Variants in CDC42BPA observed in about 807,000 individuals in gnomAD.
CDC42BPA encodes the protein CDC42 binding protein kinase alpha.
Under a neutral mutation model 223.5 loss-of-function variants are expected in CDC42BPA, and 80 were observed. The observed-to-expected ratio is 0.36, with a 90% CI of 0.30 to 0.43. CDC42BPA has a LOEUF of 0.43. CDC42BPA is among the 20% of genes least tolerant of loss of function. The pLI is 1.00. For synonymous variants in CDC42BPA, 694 were observed against 718.6 expected, an observed-to-expected ratio of 0.97 and a Z score of 0.55; for missense variants, 1,743 against 2,099.9, an observed-to-expected ratio of 0.83 and a Z score of 3.32.
At chr1:227,220,539 C>T (rs1195761320) in intron 2 of CDC42BPA, among the ~76,000 whole-genome samples, 1 of 151,896 alleles carries the variant, frequency 6.6e-6, no homozygotes, top group Non-Finnish European at 1.5e-5. Flanking sequence ...TCCAAAATGT[C>T]CTGTGCCACC....
intron 5 of CDC42BPA, among the ~76,000 whole-genome samples, chr1:227,170,004 G>T (rs1234039816): frequency 1.3e-5 from 2 of 152,020 alleles, no homozygotes; most frequent in Non-Finnish European, 2.9e-5. Context: ...TTTCAAACAT[G>T]GCCTCAATAA....
chr1:227,030,334 G>T, intron 29 of CDC42BPA, 74 bp downstream of exon 29: 1 of 882,416 alleles, frequency 1.1e-6, no homozygotes, highest in Non-Finnish European at 1.8e-6. Context: ...GCTCTTTGTA[G>T]AATTTAGAAT....
intron 11 of CDC42BPA, among the ~76,000 whole-genome samples, chr1:227,127,617 A>C (rs1656104703): frequency 6.6e-6 from 1 of 152,168 alleles, no homozygotes; most frequent in Non-Finnish European, 1.5e-5. Flanking sequence ...TGGCACTCTT[A>C]ATGTTATTGT....
intron 1 of CDC42BPA, among the ~76,000 whole-genome samples, chr1:227,300,601 T>TCTCTCCATACCG (rs1691454712): frequency 6.6e-6 from 1 of 152,124 alleles, no homozygotes; most frequent in African/African-American, 2.4e-5. Flanking sequence ...ATGTTCTCAC[T>TCTCTCCATACCG]TATAAGTGGG....
chr1:227,239,250 C>A (rs1354024204), intron 2 of CDC42BPA, among the ~76,000 whole-genome samples: 1 of 151,990 alleles, frequency 6.6e-6, no homozygotes, highest in Non-Finnish European at 1.5e-5. Context: ...CCAGTGGTGG[C>A]CAGGGGTCAG....
intron 26 of CDC42BPA, 144 bp from the exon 27 acceptor site, chr1:227,033,559 T>C: frequency 3.3e-6 from 2 of 605,720 alleles, no homozygotes; most frequent in South Asian, 4.3e-5. Flanking sequence ...TTTTCCCCCA[T>C]TGTAATTAAT....
At chr1:227,304,332 G>A (rs1692187321) in intron 1 of CDC42BPA, among the ~76,000 whole-genome samples, 1 of 151,978 alleles carries the variant, frequency 6.6e-6, no homozygotes, top group South Asian at 2.1e-4. Context: ...CTTAAACCCA[G>A]GAGGTAGAGG....
intron 29 of CDC42BPA, among the ~76,000 whole-genome samples, chr1:227,029,562 C>T (rs1668866020): frequency 6.6e-6 from 1 of 152,104 alleles, no homozygotes; most frequent in Non-Finnish European, 1.5e-5. Context: ...CATAGGATTC[C>T]CATTTTTAAA....
chr1:226,997,012 G>A (rs1661748681), intron 35 of CDC42BPA, among the ~76,000 whole-genome samples: 1 of 152,170 alleles, frequency 6.6e-6, no homozygotes, highest in Non-Finnish European at 1.5e-5. Flanking sequence ...CTATTGTTTG[G>A]AATAGTTTCA....
At chr1:227,069,746 C>T in intron 21 of CDC42BPA, 31 bp downstream of exon 21, 2 of 1,457,520 alleles carry the variant, frequency 1.4e-6, no homozygotes, top group Non-Finnish European at 1.9e-6. Context: ...TAAATTGACC[C>T]CAGAGGATAT....
chr1:227,162,964 ACGTG>A (rs1425232106), intron 5 of CDC42BPA, among the ~76,000 whole-genome samples: 5 of 139,134 alleles, frequency 3.6e-5, no homozygotes, highest in Admixed American at 7.2e-5. Context: ...ATGTTTCCAA[ACGTG>A]TGTATGTTTC....
At chr1:227,315,613 T>C (rs573900947) in intron 1 of CDC42BPA, among the ~76,000 whole-genome samples, 6 of 152,164 alleles carry the variant, frequency 3.9e-5, no homozygotes, top group Admixed American at 6.5e-5. Context: ...ATTTCTCAAT[T>C]TGTGAAACAT....
chr1:227,034,581 C>G, intron 26 of CDC42BPA, 74 bp downstream of exon 26: 1 of 1,387,618 alleles, frequency 7.2e-7, no homozygotes, highest in Non-Finnish European at 9.8e-7. Context: ...CATGGCAACA[C>G]AATTTTTGAA....
intron 1 of CDC42BPA, among the ~76,000 whole-genome samples, chr1:227,258,176 G>GAAAAAAAA: frequency 9.3e-6 from 1 of 108,108 alleles, no homozygotes; most frequent in Non-Finnish European, 1.8e-5. Flanking sequence ...CCCTGTCCGG[G>GAAAAAAAA]AAAAAAAAAA....
intron 5 of CDC42BPA, among the ~76,000 whole-genome samples, chr1:227,176,337 C>A (rs900613740): frequency 2.0e-5 from 3 of 152,136 alleles, no homozygotes; most frequent in African/African-American, 7.2e-5. Context: ...CTTTCTTCTA[C>A]ACCAAGAATT....
chr1:227,237,712 C>T (rs1679307936), intron 2 of CDC42BPA, among the ~76,000 whole-genome samples: 1 of 152,144 alleles, frequency 6.6e-6, no homozygotes, highest in Admixed American at 6.5e-5. Context: ...TGGACTTTTC[C>T]AAATGGTTAT....
At chr1:227,013,697 A>G (rs1301260451) in intron 34 of CDC42BPA, among the ~76,000 whole-genome samples, 1 of 152,102 alleles carries the variant, frequency 6.6e-6, no homozygotes, top group African/African-American at 2.4e-5. Context: ...TGAGATAAAA[A>G]CATTCTTTTC....
chr1:227,193,661 T>C lies in CDC42BPA; in HGVS notation c.599+125A>G, dbSNP rs73092520. On this transcript the variant is annotated intron_variant, in intron 5 of 36. Transcript: ENST00000366766. Reference sequence around the variant, plus strand: ...CAAAACAACCAAAATCATCTCAAAATAATTTTTTTTGGTTGACGATAAATG... The same window carrying C: ...CAAAACAACCAAAATCATCTCAAAACAATTTTTTTTGGTTGACGATAAATG... 0.017 allele frequency: 12,939 copies of C among 775,264 alleles called. 1,161 individuals carry two copies. The African/African-American group carries it at 0.2, about 12-fold the overall frequency. 48.0% of individuals were successfully genotyped at this position (775,264 alleles called of 1,614,324 possible).
intron 34 of CDC42BPA, among the ~76,000 whole-genome samples, chr1:227,008,598 G>C (rs1264829799): frequency 1.3e-5 from 2 of 152,014 alleles, no homozygotes; most frequent in Non-Finnish European, 2.9e-5. Flanking sequence ...TTGCAGCACT[G>C]AGCTTTCCTA....
Sources: allele counts gnomAD v4.1 joint callset (sites outside exome capture counted in the v4.1 genomes callset), GRCh38; gene constraint gnomAD v4.1.1; transcripts MANE v1.5; gene names NCBI Gene and HGNC (gene_info 2026-07-23, HGNC 2026-07-21).